Variants in SPON1 observed in about 807,000 individuals in gnomAD.
SPON1 encodes the protein spondin 1.
SPON1 carries 52 observed loss-of-function variants against 111.7 expected under a neutral mutation model. That is an observed-to-expected ratio of 0.47 (90% confidence interval 0.37 to 0.59). SPON1 has a LOEUF of 0.59. SPON1 is among the 20% of genes least tolerant of loss of function. The probability of loss-of-function intolerance (pLI) is 0.00; values close to 1 mark genes in which losing one functional copy is unlikely to be tolerated. For synonymous variants in SPON1, 410 were observed against 395.8 expected, an observed-to-expected ratio of 1.04 and a Z score of -0.43; for missense variants, 957 against 1,068.5, an observed-to-expected ratio of 0.90 and a Z score of 1.46.
At chr11:14,221,694 CT>C (rs1192186877) in intron 6 of SPON1, among the ~76,000 whole-genome samples, 4 of 152,216 alleles carry the variant, frequency 2.6e-5, no homozygotes, top group African/African-American at 9.6e-5. Flanking sequence ...CTCCCTCCAT[CT>C]CCTTCTTATC....
At chr11:14,012,576 C>T (rs1312416019) in intron 2 of SPON1, among the ~76,000 whole-genome samples, 6 of 152,150 alleles carry the variant, frequency 3.9e-5, no homozygotes, top group Non-Finnish European at 7.4e-5. Context: ...AAGTGTTAAC[C>T]ATTTTGTCCA....
At chr11:14,109,523 A>C (rs1411012951) in intron 5 of SPON1, among the ~76,000 whole-genome samples, 1 of 152,100 alleles carries the variant, frequency 6.6e-6, no homozygotes, top group Admixed American at 6.6e-5. Context: ...GGGGAAAGAG[A>C]ATTTGCATTG....
At chr11:14,149,139 G>A (rs1230153320) in intron 6 of SPON1, among the ~76,000 whole-genome samples, 2 of 152,086 alleles carry the variant, frequency 1.3e-5, no homozygotes, top group Non-Finnish European at 2.9e-5. Flanking sequence ...TCCAAAGGAA[G>A]GCATTGTTAT....
intron 6 of SPON1, among the ~76,000 whole-genome samples, chr11:14,237,011 C>A (rs1554939272): frequency 6.6e-6 from 1 of 152,136 alleles, no homozygotes; most frequent in Non-Finnish European, 1.5e-5. Context: ...AAAGTGCCAC[C>A]AAATATGAGC....
chr11:14,155,542 C>T (rs1258790555), intron 6 of SPON1, among the ~76,000 whole-genome samples: 1 of 150,984 alleles, frequency 6.6e-6, no homozygotes, highest in African/African-American at 2.4e-5. Context: ...GGTACATGTG[C>T]ACAATGTGCA....
chr11:14,262,976 G>A lies in SPON1; in HGVS notation c.2260+1G>A. On this transcript the variant is annotated splice_donor_variant, in intron 15 of 15. Coordinates refer to ENST00000576479, the MANE Select transcript of SPON1 (RefSeq NM_006108.4). LOFTEE classifies it high-confidence loss of function. ...GAGTCTGAAGGGGAGCAGTTCCCAG[G>A]TATGGCTCCCAAGTGTCAGCCTGGG... 6.2e-7 allele frequency: 1 copy of A among 1,612,264 alleles called. No individual in the cohort carries two copies. The highest frequency in any genetic ancestry group is 8.5e-7 in the Non-Finnish European group (1 of 1,179,428).
intron 6 of SPON1, among the ~76,000 whole-genome samples, chr11:14,171,703 G>A (rs376662239): frequency 2.1e-4 from 32 of 151,960 alleles, no homozygotes; most frequent in African/African-American, 6.5e-4. Flanking sequence ...CTTTGTTCTC[G>A]TTGGTTTCAA....
intron 6 of SPON1, among the ~76,000 whole-genome samples, chr11:14,173,930 G>T (rs955905523): frequency 3.3e-5 from 5 of 152,328 alleles, no homozygotes; most frequent in Admixed American, 2.0e-4. Context: ...AGGCTACTCG[G>T]GTGTCAGGGA....
chr11:14,046,186 G>C (rs1361512621), intron 3 of SPON1, among the ~76,000 whole-genome samples: 2 of 152,132 alleles, frequency 1.3e-5, no homozygotes, highest in Non-Finnish European at 2.9e-5. Context: ...AGAGAGGATG[G>C]GGTAGAGAGG....
intron 2 of SPON1, among the ~76,000 whole-genome samples, chr11:14,036,748 G>A (rs1450536967): frequency 1.3e-5 from 2 of 152,052 alleles, no homozygotes; most frequent in Non-Finnish European, 2.9e-5. Context: ...CCTTGAGCAA[G>A]TTCAAATTTA....
intron 6 of SPON1, among the ~76,000 whole-genome samples, chr11:14,161,001 A>T (rs1181821218): frequency 1.2e-5 from 1 of 83,746 alleles, no homozygotes; most frequent in African/African-American, 5.1e-5. Flanking sequence ...ATTTTTATAT[A>T]TTTATATATT....
chr11:14,214,235 C>T (rs138065521), intron 6 of SPON1, among the ~76,000 whole-genome samples: 245 of 152,324 alleles, frequency 1.6e-3, no homozygotes, highest in African/African-American at 5.5e-3. Flanking sequence ...GCCCCCATCC[C>T]TAGCCGGATC....
At chr11:14,076,922 T>C (rs916569650) in intron 4 of SPON1, among the ~76,000 whole-genome samples, 4 of 152,196 alleles carry the variant, frequency 2.6e-5, no homozygotes, top group Non-Finnish European at 4.4e-5. Flanking sequence ...TTCTTTTTTG[T>C]GTTCAACTGC....
chr11:14,204,711 T>G (rs1309175887), intron 6 of SPON1, among the ~76,000 whole-genome samples: 3 of 43,220 alleles, frequency 6.9e-5, no homozygotes, highest in Non-Finnish European at 1.4e-4. Context: ...TTGTTTTTGG[T>G]TTTTTTTTTG....
intron 6 of SPON1, among the ~76,000 whole-genome samples, chr11:14,171,212 T>C (rs1399256432): frequency 6.6e-6 from 1 of 152,194 alleles, no homozygotes; most frequent in Non-Finnish European, 1.5e-5. Context: ...TTCTTCCTGG[T>C]TTAGTCTTGG....
intron 13 of SPON1, among the ~76,000 whole-genome samples, chr11:14,260,370 G>A (rs1186427232): frequency 6.6e-6 from 1 of 152,120 alleles, no homozygotes; most frequent in Admixed American, 6.5e-5. Context: ...ACCATCGGGG[G>A]GGGTCAGCAG....
chr11:14,069,233 A>G (rs1848856328), intron 3 of SPON1, among the ~76,000 whole-genome samples: 2 of 152,150 alleles, frequency 1.3e-5, no homozygotes, highest in African/African-American at 4.8e-5. Context: ...TAGGGATGAT[A>G]GTAATGCCTA....
intron 6 of SPON1, among the ~76,000 whole-genome samples, chr11:14,233,423 T>C (rs1848825002): frequency 6.6e-6 from 1 of 152,058 alleles, no homozygotes; most frequent in Admixed American, 6.5e-5. Context: ...CCTTTAAAAA[T>C]ATGAATCAGG....
At chr11:13,997,554 A>G (rs1554911946) in intron 2 of SPON1, among the ~76,000 whole-genome samples, 1 of 152,200 alleles carries the variant, frequency 6.6e-6, no homozygotes, top group African/African-American at 2.4e-5. Context: ...CATTTTCCAC[A>G]TTTCTGTTTA....
Sources: gnomAD v4.1 joint callset for allele counts (sites outside exome capture counted in the v4.1 genomes callset) on GRCh38, gnomAD v4.1.1 for gene constraint, MANE v1.5 for transcripts, NCBI Gene and HGNC (gene_info 2026-07-23, HGNC 2026-07-21) for gene names.